Variants in RASAL3 observed in about 807,000 individuals in gnomAD.
RASAL3 encodes RAS protein activator like-3.
A neutral mutation model predicts 105.5 loss-of-function variants in RASAL3; 74 were observed. The observed-to-expected ratio is 0.70, with a 90% confidence interval of 0.58 to 0.85. The LOEUF (loss-of-function observed/expected upper bound fraction) is 0.85, where lower values mean the gene tolerates loss of function less well. RASAL3 is among the 40% of genes least tolerant of loss of function. The pLI is 0.00. For synonymous variants in RASAL3, 579 were observed against 591.6 expected (o/e 0.98, Z 0.31); for missense variants, 1,352 against 1,392.0 (o/e 0.97, Z 0.46).
At chr19:15,455,880 G>A (rs1347664882) in intron 11 of RASAL3, among the ~76,000 whole-genome samples, 2 of 152,096 alleles carry the variant, frequency 1.3e-5, no homozygotes, top group Non-Finnish European at 2.9e-5. Context: ...TGAACTCCTG[G>A]GCTCAAGCAA....
intron 8 of RASAL3, chr19:15,458,055 T>C: frequency 1.6e-6 from 1 of 640,296 alleles, no homozygotes; most frequent in Middle Eastern, 4.2e-4. Context: ...CTCCAGGGCA[T>C]ACAAGAGTAG....
At position 15,452,382 on chromosome 19, in the gene RASAL3, A is replaced by G. The variant is rs1043706319; in HGVS notation, c.2829-274T>C. On this transcript the variant is annotated intron_variant, in intron 16 of 17. Transcript: ENST00000343625. ...CTGGAGGGAGTGCCCAGGCTGAGAT[A>G]TCTCAGTGCCCGGCCCAGCCAGGTT... The G allele has an allele frequency of 1.2e-5, 7 of 584,996 alleles. No individual in the cohort carries two copies. In the African/African-American group the frequency reaches 1.3e-4, roughly 11 times the overall value. 36.2% of individuals were successfully genotyped at this position (584,996 alleles called of 1,614,324 possible). A position where few individuals can be genotyped will look rare whatever the true frequency, so the allele number is the denominator to read the frequency against.
In RASAL3 at chr19:15,456,662, G is replaced by A; in HGVS notation, c.1432-16C>T. On this transcript the variant is annotated splice_polypyrimidine_tract_variant and intron_variant, in intron 9 of 17. Coordinates refer to ENST00000343625, the MANE Select transcript of RASAL3 (RefSeq NM_022904.3). The surrounding 1 kb of genome is among the most constrained non-coding windows in gnomAD (Gnocchi z 4.4). ...TCACCAGCGCCTAGGAAGGGCAGGA[G>A]GTCAGGTTGCACCAGATGCAGACAG... The A allele has an allele frequency of 6.2e-7, 1 of 1,608,476 alleles. No homozygotes were observed. Among genetic ancestry groups the A allele is most frequent in the Non-Finnish European group, 8.5e-7 (1 of 1,178,678 alleles).
At position 15,452,473 on chromosome 19, in the gene RASAL3, G is replaced by T. The variant is rs544890544; in HGVS notation, c.2828+185C>A. Reference sequence around the variant, plus strand: ...CTGCCAGGGTCCTAGGCCGACCTTCGTTGGGTGGGTCCACCTGGGGGCGGG... The same window carrying T: ...CTGCCAGGGTCCTAGGCCGACCTTCTTTGGGTGGGTCCACCTGGGGGCGGG... On this transcript the variant is annotated intron_variant, in intron 16 of 17. Coordinates refer to ENST00000343625, the MANE Select transcript of RASAL3 (RefSeq NM_022904.3). The T allele has an allele frequency of 4.5e-4, 277 of 615,984 alleles. 1 individual carries two copies. In the African/African-American group the frequency reaches 4.7e-3, roughly 10 times the overall value. 38.2% of individuals were successfully genotyped at this position (615,984 alleles called of 1,614,324 possible).
Position 15,461,836 on chromosome 19 carries a change from A to G in RASAL3, c.329-229T>C, listed in dbSNP as rs80086844. ...CTACCATGTGCCCAGTACCCTGTAT[A>G]CCACTCCACACACCTTCTTGCATTG... On this transcript the variant is annotated intron_variant, in intron 2 of 17. Transcript: ENST00000343625. Among the ~76,000 whole-genome samples the G allele has an allele frequency of 3.6e-3, 545 of 152,144 alleles. 5 individuals are homozygous for G. The highest frequency in any genetic ancestry group is 0.013 in the African/African-American group (523 of 41,502).
intron 11 of RASAL3, 128 bp downstream of exon 11, chr19:15,455,976 C>A (rs1218401221): frequency 1.8e-6 from 2 of 1,117,600 alleles, no homozygotes; most frequent in Non-Finnish European, 1.3e-6. Flanking sequence ...TTAGTATAAG[C>A]ATGGTCCCAA....
chr19:15,457,820 C>G lies in RASAL3; in HGVS notation c.903G>C (p.Arg301=). The change falls in exon 9 of 18, where the codon CGG becomes CGC. Residue 301 remains arginine (R), a synonymous_variant. Transcript: ENST00000343625. The surrounding 1 kb of genome is among the most constrained non-coding windows in gnomAD (Gnocchi z 8.6). ...QFQPTQDNVE[R]EETWLSVWVH... ...CCCACACGCTCAGCCATGTCTCTTC[C>G]CGCTCCACGTTGTCCTGCAGATGGG... 1 of 1,548,944 alleles carries G rather than the reference C, an allele frequency of 6.5e-7. No individual in the cohort carries two copies.
rs767706283 is a variant in RASAL3 at position 15,453,063 on chromosome 19, T to C, written c.2670+44A>G. 8.1e-6 allele frequency: 13 copies of C among 1,610,910 alleles called. No homozygotes were observed. The highest frequency in any genetic ancestry group is 1.1e-5 in the Non-Finnish European group (13 of 1,179,278). On this transcript the variant is annotated intron_variant, in intron 15 of 17. Transcript: ENST00000343625. This position sits in a 1 kb window ranked among gnomAD's most constrained non-coding sequence, Gnocchi z 4.2. ...GGCCCTTCAGTCTTCCCCAGTCGCGTCCCTGTTCCCACTCCCCAGGCGCGG... is the reference window on the plus strand; with the variant it reads ...GGCCCTTCAGTCTTCCCCAGTCGCGCCCCTGTTCCCACTCCCCAGGCGCGG...
chr19:15,451,675 G>T lies in RASAL3; in HGVS notation c.*120C>A. On this transcript the variant is annotated 3_prime_UTR_variant, in exon 18 of 18. Coordinates refer to ENST00000343625, the MANE Select transcript of RASAL3 (RefSeq NM_022904.3). ...GCAACTTCATACTGCCAGAGTGGTT[G>T]GGACCAGCAGCTCCACTCCCCACTG... The T allele has an allele frequency of 9.3e-7, 1 of 1,070,000 alleles. No homozygotes were observed. The highest frequency in any genetic ancestry group is 1.3e-6 in the Non-Finnish European group (1 of 748,560). 66.3% of individuals were successfully genotyped at this position (1,070,000 alleles called of 1,614,324 possible).
chr19:15,454,994 A>G, intron 11 of RASAL3, 101 bp from the exon 12 acceptor site: 2 of 859,094 alleles, frequency 2.3e-6, no homozygotes, highest in Non-Finnish European at 3.5e-6. Context: ...TGATTGGTCC[A>G]TGATCCTCCA....
chr19:15,453,459 C>A lies in RASAL3; in HGVS notation c.2318G>T (p.Arg773Leu). ...AGEKPGFLAP[R>L]DLPKHTPLIS... ...GAGAGGGGTGTGCTTGGGGAGGTCCCGGGGGGCCAGGAAGCCGGGCTTCTC... is the reference window on the plus strand; with the variant it reads ...GAGAGGGGTGTGCTTGGGGAGGTCCAGGGGGGCCAGGAAGCCGGGCTTCTC... The change falls in exon 15 of 18, where the codon CGG (arginine) becomes CTG (leucine). Residue 773 changes from arginine (R) to leucine (L), a missense_variant. Coordinates refer to ENST00000343625, the MANE Select transcript of RASAL3 (RefSeq NM_022904.3). The surrounding 1 kb of genome is among the most constrained non-coding windows in gnomAD (Gnocchi z 4.2). 6.5e-7 allele frequency: 1 copy of A among 1,544,430 alleles called. No individual in the cohort carries two copies. The highest frequency in any genetic ancestry group is 2.2e-4 in the Middle Eastern group (1 of 4,644).
chr19:15,463,703 T>C (rs745581959), intron 2 of RASAL3, among the ~76,000 whole-genome samples: 8 of 152,158 alleles, frequency 5.3e-5, no homozygotes, highest in South Asian at 4.1e-4. Flanking sequence ...TGAAGATGGA[T>C]ATCCAGGTAG....
At position 15,453,601 on chromosome 19, in the gene RASAL3, C is replaced by CT. The variant is rs533308440; in HGVS notation, c.2280-105dup. ...CACCCCCCACGTGAACTTGTCCTTT[C>CT]TTTTTTTTTTTTGAGACAAGGTCTT... On this transcript the variant is annotated intron_variant, in intron 14 of 17. Coordinates refer to ENST00000343625, the MANE Select transcript of RASAL3 (RefSeq NM_022904.3). The surrounding 1 kb of genome is among the most constrained non-coding windows in gnomAD (Gnocchi z 4.2). 0.052 allele frequency: 47,752 copies of CT among 918,462 alleles called. 4 individuals are homozygous for CT. The highest frequency in any genetic ancestry group is 0.057 in the South Asian group (2,685 of 47,362). 56.9% of individuals were successfully genotyped at this position (918,462 alleles called of 1,614,324 possible).
chr19:15,458,517 G>C lies in RASAL3; in HGVS notation c.789+12C>G, dbSNP rs1426196204. On this transcript the variant is annotated intron_variant, in intron 7 of 17. Coordinates refer to ENST00000343625, the MANE Select transcript of RASAL3 (RefSeq NM_022904.3). ...GACTGAGGTGGAATCGAGGTGGACT[G>C]TCTACACTTACCTGAAAGCAGTGGG... The C allele has an allele frequency of 1.9e-6, 3 of 1,613,784 alleles. No homozygotes were observed. Among genetic ancestry groups the C allele is most frequent in the African/African-American group, 1.3e-5 (1 of 74,936 alleles).
chr19:15,460,855 T>C (rs1970485073), intron 5 of RASAL3, among the ~76,000 whole-genome samples: 1 of 152,164 alleles, frequency 6.6e-6, no homozygotes, highest in Non-Finnish European at 1.5e-5. Flanking sequence ...CTGCCCTGCC[T>C]GGCTCCTGCA....
Position 15,457,498 on chromosome 19 carries a change from C to T in RASAL3, c.1225G>A (p.Ala409Thr). ...GCCCGCAGCGCTGCGCCCGCCGGCG[C>T]CCCGAGCAGCGGGAACCAGCGCTCC... ...GLERWFPLLGAPAGAALRARI... is the reference protein window; with the variant it reads ...GLERWFPLLGTPAGAALRARI... The change falls in exon 9 of 18, where the codon GCG becomes ACG. Residue 409 changes from alanine to threonine, a missense_variant. Coordinates refer to ENST00000343625, the MANE Select transcript of RASAL3 (RefSeq NM_022904.3). The surrounding 1 kb of genome is among the most constrained non-coding windows in gnomAD (Gnocchi z 8.6). 1 of 1,190,086 alleles carries T rather than the reference C, an allele frequency of 8.4e-7. No homozygotes were observed. The highest frequency in any genetic ancestry group is 1.0e-6 in the Non-Finnish European group (1 of 956,724). 73.7% of individuals were successfully genotyped at this position (1,190,086 alleles called of 1,614,324 possible).
In RASAL3 at chr19:15,453,243, C is replaced by A; in HGVS notation, c.2534G>T (p.Gly845Val). ...WPRPKGSLSM[G>V]PAPRARPWTR... ...CCAAGGCCGGGCGCGGGGCGCTGGT[C>A]CCATGCTCAGGGAGCCTTTGGGTCG... is the stretch of plus-strand genomic sequence containing the variant. The change falls in exon 15 of 18, where the codon GGA (glycine) becomes GTA (valine). Residue 845 changes from glycine (G) to valine (V), a missense_variant. By Grantham distance (109) the Gly-to-Val change is moderately radical. Transcript: ENST00000343625. This position sits in a 1 kb window ranked among gnomAD's most constrained non-coding sequence, Gnocchi z 4.2. The A allele has an allele frequency of 1.3e-6, 2 of 1,590,676 alleles. No individual in the cohort carries two copies. The highest frequency in any genetic ancestry group is 8.5e-7 in the Non-Finnish European group (1 of 1,170,356).
Position 15,454,562 on chromosome 19 carries a change from C to A in RASAL3, c.1959G>T (p.Pro653=). ...CCATGTAGGCCTCCTTCTCACCGAA[C>A]CTGGATCAGGGCCAGGCTGGGTGGG... is the stretch of plus-strand genomic sequence containing the variant. ...KVIQNLANRA[P]FGEKEAYMGF... The change falls in exon 13 of 18, where the codon CCG becomes CCT. Residue 653 remains proline, a splice_region_variant and synonymous_variant. Coordinates refer to ENST00000343625, the MANE Select transcript of RASAL3 (RefSeq NM_022904.3). The A allele has an allele frequency of 6.2e-7, 1 of 1,613,918 alleles. No individual in the cohort carries two copies. Among genetic ancestry groups the A allele is most frequent in the Non-Finnish European group, 8.5e-7 (1 of 1,179,862 alleles).
At position 15,456,717 on chromosome 19, in the gene RASAL3, T is replaced by C. The variant is rs1381397589; in HGVS notation, c.1432-71A>G. On this transcript the variant is annotated intron_variant, in intron 9 of 17. Transcript: ENST00000343625. This position sits in a 1 kb window ranked among gnomAD's most constrained non-coding sequence, Gnocchi z 4.4. The stretch of plus-strand genomic sequence containing the variant: ...CAAGGGAATTCGGATCCTTGGCTGG[T>C]CCCTCACACCAGAGGCACAGGCCCC... The C allele has an allele frequency of 2.6e-6, 4 of 1,541,226 alleles. No homozygotes were observed. The highest frequency in any genetic ancestry group is 2.6e-6 in the Non-Finnish European group (3 of 1,142,728).
Sources: allele counts gnomAD v4.1 joint callset (sites outside exome capture counted in the v4.1 genomes callset), GRCh38; gene constraint gnomAD v4.1.1; non-coding constraint Gnocchi (gnomAD v3.1); transcripts MANE v1.5; gene names NCBI Gene and HGNC (gene_info 2026-07-23, HGNC 2026-07-21).